Variants in SYNE1 observed in about 807,000 individuals in gnomAD.
SYNE1 encodes the protein spectrin repeat containing nuclear envelope protein 1.
In SYNE1, 616 loss-of-function variants were observed where a neutral mutation model predicts 1,111.0. That is an observed-to-expected ratio of 0.55 (90% CI 0.52 to 0.59). SYNE1 has a LOEUF of 0.59. SYNE1 is among the 20% of genes least tolerant of loss of function. The pLI is 0.00. For missense variants in SYNE1, 10,006 were observed against 10,417.0 expected (o/e 0.96, Z 1.72); for synonymous variants, 3,855 against 3,825.8 (o/e 1.01, Z -0.28).
chr6:152,591,351 A>C (rs1188411046), intron 3 of SYNE1, among the ~76,000 whole-genome samples: 1 of 152,174 alleles, frequency 6.6e-6, no homozygotes, highest in African/African-American at 2.4e-5. Context: ...TTAGAAATAA[A>C]GCCACACACC....
intron 95 of SYNE1, among the ~76,000 whole-genome samples, chr6:152,292,671 T>C (rs953854875): frequency 2.6e-5 from 4 of 152,224 alleles, no homozygotes; most frequent in South Asian, 2.1e-4. Context: ...AGTACAACGT[T>C]TCACTCCTAA....
chr6:152,134,057 CAT>C (rs2056486053), intron 142 of SYNE1: 2 of 156,172 alleles, frequency 1.3e-5, no homozygotes, highest in Non-Finnish European at 2.8e-5. Flanking sequence ...AATGTTAAGA[CAT>C]AACATTTTAA....
In SYNE1 at chr6:152,373,210, A is replaced by G. The variant is rs2097218060; in HGVS notation, c.9334T>C (p.Ser3112Pro). The part of the protein sequence containing the change: ...TSLQKIQEFL[S>P]ESENGQHKLN... ...TTGTGCTGTCCATTTTCACTTTCTG[A>G]CAAAAACTCCTATAAAAGAAAATAT... Residue 3112 changes from serine to proline, a missense_variant, in exon 59 of 146, where the codon TCA becomes CCA. Transcript: ENST00000367255. The G allele has an allele frequency of 6.2e-7, 1 of 1,611,444 alleles. No individual in the cohort carries two copies. Among genetic ancestry groups the G allele is most frequent in the Non-Finnish European group, 8.5e-7 (1 of 1,179,628 alleles).
rs776873775 is a variant in SYNE1, at chr6:152,391,525, C to T, written c.7756G>A (p.Glu2586Lys). 8 of 1,593,644 alleles carry T rather than the reference C, an allele frequency of 5.0e-6. No individual in the cohort carries two copies. Among genetic ancestry groups the T allele is most frequent in the South Asian group, 3.3e-5 (3 of 90,528 alleles). The stretch of plus-strand genomic sequence containing the variant: ...TCCTGCCCAGCACCGTGGCCTTCTT[C>T]ACTCAGAAGCTGCCCTCTCTGGGAA... ...KLSQRGQLLS[E>K]EGHGAGQEGR... Residue 2586 changes from glutamate (E) to lysine (K), a missense_variant, in exon 52 of 146, where the codon GAA becomes AAA. This residue lies in a region of SYNE1 where 4,955 missense variants were observed against 5,017.2 expected (regional missense o/e 0.99). Transcript: ENST00000367255.
At chr6:152,613,930 C>T (rs2099638947) in intron 3 of SYNE1, among the ~76,000 whole-genome samples, 1 of 152,142 alleles carries the variant, frequency 6.6e-6, no homozygotes, top group South Asian at 2.1e-4. Context: ...ACTGGCTAGC[C>T]ATAGATAGAA....
intron 55 of SYNE1, among the ~76,000 whole-genome samples, chr6:152,382,550 A>G (rs1225243325): frequency 1.3e-5 from 2 of 152,198 alleles, no homozygotes; most frequent in Non-Finnish European, 2.9e-5. Flanking sequence ...CTAAATTACA[A>G]TGACATGAAA....
intron 3 of SYNE1, among the ~76,000 whole-genome samples, chr6:152,569,571 G>T (rs2099434776): frequency 6.6e-6 from 1 of 152,092 alleles, no homozygotes; most frequent in Non-Finnish European, 1.5e-5. Context: ...TACACTGTGA[G>T]AAATGACAAC....
intron 3 of SYNE1, among the ~76,000 whole-genome samples, chr6:152,577,794 T>A (rs1045605944): frequency 6.6e-6 from 1 of 151,996 alleles, no homozygotes; most frequent in African/African-American, 2.4e-5. Flanking sequence ...TTTTTTTTAA[T>A]TTAGATTTGT....
intron 49 of SYNE1, 148 bp downstream of exon 49, chr6:152,398,471 A>G: frequency 1.4e-6 from 1 of 712,620 alleles, no homozygotes; most frequent in Non-Finnish European, 2.5e-6. Flanking sequence ...CATGTTGTCT[A>G]TTTCCTTCTG....
intron 99 of SYNE1, 50 bp downstream of exon 99, chr6:152,269,105 T>C (rs2092982678): frequency 3.7e-6 from 6 of 1,613,722 alleles, no homozygotes; most frequent in Non-Finnish European, 5.1e-6. Flanking sequence ...GCCTCTCAGG[T>C]TCTTCTCTGG....
In SYNE1 at chr6:152,225,704, T is replaced by C; in HGVS notation, c.21351+17A>G. ...GCAAACACGGTCCTGGAGCTGGCTT[T>C]CTGTGAGCAATATTACCATGTGATC... On this transcript the variant is annotated intron_variant, in intron 116 of 145. Coordinates refer to ENST00000367255, the MANE Select transcript of SYNE1 (RefSeq NM_182961.4). 1 of 1,614,100 alleles carries C rather than the reference T, an allele frequency of 6.2e-7. No homozygotes were observed. Among genetic ancestry groups the C allele is most frequent in the Non-Finnish European group, 8.5e-7 (1 of 1,179,968 alleles).
In SYNE1 at chr6:152,230,601, T is replaced by C. The variant is rs2153509541; in HGVS notation, c.21141A>G (p.Gln7047=). ...AAGCCTGATCTCCAATTCGATGCTG[T>C]TGTTTTAGTCTCTTTTCCTGGGTTT... ...WFETQEKRLK[Q]QHRIGDQASV... is the part of the protein sequence containing the mutation. Residue 7047 remains glutamine, a synonymous_variant, in exon 115 of 146, where the codon CAA becomes CAG. Coordinates refer to ENST00000367255, the MANE Select transcript of SYNE1 (RefSeq NM_182961.4). 6.2e-7 allele frequency: 1 copy of C among 1,614,128 alleles called. No homozygotes were observed. The highest frequency in any genetic ancestry group is 1.6e-4 in the Middle Eastern group (1 of 6,062).
chr6:152,391,249 G>C, intron 52 of SYNE1, 28 bp downstream of exon 52: 1 of 1,613,354 alleles, frequency 6.2e-7, no homozygotes, highest in Middle Eastern at 1.7e-4. Flanking sequence ...TTCAGCAGTT[G>C]TCAGTGTCTG....
At chr6:152,396,281 G>A (rs764156623) in intron 50 of SYNE1, among the ~76,000 whole-genome samples, 9 of 152,126 alleles carry the variant, frequency 5.9e-5, no homozygotes, top group Non-Finnish European at 1.3e-4. Context: ...AAATTATTCT[G>A]CCATCAGAAA....
chr6:152,324,504 A>G (rs187208645), intron 81 of SYNE1, among the ~76,000 whole-genome samples: 12 of 152,328 alleles, frequency 7.9e-5, no homozygotes, highest in African/African-American at 2.6e-4. Flanking sequence ...CCGTTAAGAA[A>G]GCAAATGGGC....
At chr6:152,248,798 C>G (rs2088219156) in intron 105 of SYNE1, among the ~76,000 whole-genome samples, 1 of 152,192 alleles carries the variant, frequency 6.6e-6, no homozygotes, top group African/African-American at 2.4e-5. Flanking sequence ...CCTACCCCTG[C>G]TGGAGGCCAG....
intron 3 of SYNE1, among the ~76,000 whole-genome samples, chr6:152,556,659 C>A (rs9371606): frequency 1.3e-5 from 2 of 151,970 alleles, no homozygotes; most frequent in Non-Finnish European, 2.9e-5. Context: ...AAAATATCAA[C>A]TCAGCCCCTA....
At position 152,214,959 on chromosome 6, in the gene SYNE1, C is replaced by T; in HGVS notation, c.22293G>A (p.Gln7431=). 6.2e-7 allele frequency: 1 copy of T among 1,614,122 alleles called. No homozygotes were observed. The highest frequency in any genetic ancestry group is 8.5e-7 in the Non-Finnish European group (1 of 1,180,006). The change falls in exon 122 of 146, where the codon CAG becomes CAA. Residue 7431 remains glutamine, a synonymous_variant. Coordinates refer to ENST00000367255, the MANE Select transcript of SYNE1 (RefSeq NM_182961.4). Reference sequence around the variant, plus strand: ...TCAGAGACCAATGGCGGTTCAGATTCTGCATTCTTTTGATTTCCTTATCAT... The same window carrying T: ...TCAGAGACCAATGGCGGTTCAGATTTTGCATTCTTTTGATTTCCTTATCAT... ...PLNDKEIKRM[Q]NLNRHWSLIS... is the part of the protein sequence containing the mutation.
Position 152,455,943 on chromosome 6 carries a change from C to G in SYNE1, c.2670G>C (p.Lys890Asn). The change falls in exon 23 of 146, where the codon AAG (lysine) becomes AAC (asparagine). Residue 890 changes from lysine to asparagine, a missense_variant. Coordinates refer to ENST00000367255, the MANE Select transcript of SYNE1 (RefSeq NM_182961.4). ...QKFVTLSNVL[K>N]HFDQTRLQRQ... Reference sequence around the variant, plus strand: ...TTTGTAGCCTCGTCTGATCAAAATGCTTTAACACGTTGCTCAAGGTCACAA... The same window carrying G: ...TTTGTAGCCTCGTCTGATCAAAATGGTTTAACACGTTGCTCAAGGTCACAA... The G allele has an allele frequency of 6.2e-7, 1 of 1,614,120 alleles. No individual in the cohort carries two copies. The highest frequency in any genetic ancestry group is 8.5e-7 in the Non-Finnish European group (1 of 1,180,006).
Sources: allele counts gnomAD v4.1 joint callset (sites outside exome capture counted in the v4.1 genomes callset), GRCh38; gene constraint gnomAD v4.1.1; regional missense constraint gnomAD v4.1.1; transcripts MANE v1.5; gene names NCBI Gene and HGNC (gene_info 2026-07-23, HGNC 2026-07-21).